NCOA1: variants seen among roughly 807,000 people sequenced by gnomAD.
The protein encoded by NCOA1 is Hin-2 protein.
Under a neutral mutation model 150.9 loss-of-function variants are expected in NCOA1, and 35 were observed. The observed-to-expected ratio is 0.23, with a 90% CI of 0.18 to 0.31. NCOA1 has a LOEUF of 0.31. NCOA1 is among the 10% of genes least tolerant of loss of function. NCOA1 has a pLI of 1.00. For synonymous variants in NCOA1, 590 were observed against 630.0 expected (o/e 0.94, Z 0.95); for missense variants, 1,491 against 1,749.3 (o/e 0.85, Z 2.63).
intron 14 of NCOA1, among the ~76,000 whole-genome samples, chr2:24,722,989 CAAAAAAA>C (rs5829932): frequency 5.6e-5 from 5 of 90,062 alleles, no homozygotes; most frequent in African/African-American, 2.4e-4. Flanking sequence ...ACCCTGTCTC[CAAAAAAA>C]AAAAAAAAAA....
intron 7 of NCOA1, among the ~76,000 whole-genome samples, chr2:24,679,211 T>C (rs1454986539): frequency 1.3e-5 from 2 of 152,238 alleles, no homozygotes; most frequent in Non-Finnish European, 2.9e-5. Flanking sequence ...GCATTTGTTG[T>C]CTTCTCTGTA....
chr2:24,737,938 T>C (rs1558327836), intron 17 of NCOA1, among the ~76,000 whole-genome samples: 1 of 152,238 alleles, frequency 6.6e-6, no homozygotes, highest in Non-Finnish European at 1.5e-5. Flanking sequence ...GTTCCTGGTC[T>C]TTCAAGTTTA....
intron 3 of NCOA1, among the ~76,000 whole-genome samples, chr2:24,607,561 G>A (rs1038496978): frequency 6.6e-6 from 1 of 151,938 alleles, no homozygotes; most frequent in Non-Finnish European, 1.5e-5. Context: ...GTAGTGGCGG[G>A]TGCCTGTAGT....
At chr2:24,584,173 G>T (rs1173713844) in intron 2 of NCOA1, among the ~76,000 whole-genome samples, 1 of 151,938 alleles carries the variant, frequency 6.6e-6, no homozygotes, top group African/African-American at 2.4e-5. Context: ...GTTACTAAAT[G>T]TCAATTTTTT....
chr2:24,525,791 G>A (rs772118663), intron 1 of NCOA1, among the ~76,000 whole-genome samples: 1 of 151,944 alleles, frequency 6.6e-6, no homozygotes, highest in Non-Finnish European at 1.5e-5. Flanking sequence ...CAAGTGATCT[G>A]CCCGCCACAG....
At chr2:24,697,848 AT>A in intron 11 of NCOA1, 50 bp downstream of exon 11, 2 of 1,535,630 alleles carry the variant, frequency 1.3e-6, no homozygotes, top group African/African-American at 2.7e-5. Flanking sequence ...CTTTACTGAT[AT>A]TTGAATAGTT....
intron 22 of NCOA1, among the ~76,000 whole-genome samples, chr2:24,763,869 G>A (rs1004918133): frequency 2.6e-5 from 4 of 151,846 alleles, no homozygotes; most frequent in Admixed American, 6.6e-5. Flanking sequence ...TGATCCACCC[G>A]CCTCGGCCTC....
chr2:24,612,909 C>T (rs866405719), intron 3 of NCOA1, among the ~76,000 whole-genome samples: 1 of 152,004 alleles, frequency 6.6e-6, no homozygotes, highest in Non-Finnish European at 1.5e-5. Flanking sequence ...GGTTAGGGGC[C>T]ATTGCTGGAG....
At chr2:24,691,757 T>C in intron 9 of NCOA1, 97 bp downstream of exon 9, 1 of 1,303,860 alleles carries the variant, frequency 7.7e-7, no homozygotes, top group South Asian at 1.5e-5. Context: ...AGATAGTATT[T>C]TTGGTTACTA....
intron 14 of NCOA1, chr2:24,711,613 T>C (rs1673752710): frequency 6.6e-6 from 1 of 152,274 alleles, no homozygotes; most frequent in South Asian, 2.1e-4. Flanking sequence ...TTCCCAAACT[T>C]TCCTGATTAT....
At chr2:24,650,126 C>T (rs1670648473) in intron 4 of NCOA1, among the ~76,000 whole-genome samples, 1 of 152,062 alleles carries the variant, frequency 6.6e-6, no homozygotes, top group African/African-American at 2.4e-5. Context: ...AGAACGTTGG[C>T]AGTGATTTAT....
Position 24,524,799 on chromosome 2 carries a change from G to A in NCOA1, c.-396+33197G>A, listed in dbSNP as rs542722126. ...ATTTTTTGGTAATTTTGATAGAGAC[G>A]GGGTTTCACCATGTTGGCCACGCTG... On this transcript the variant is annotated intron_variant, in intron 1 of 22. Transcript: ENST00000348332. Among the ~76,000 whole-genome samples the A allele has an allele frequency of 3.3e-5, 5 of 152,130 alleles. No homozygotes were observed. The East Asian group carries it at 5.8e-4, about 18-fold the overall frequency.
Position 24,770,507 on chromosome 2 carries a change from A to T in NCOA1, c.*2116A>T. On this transcript the variant is annotated 3_prime_UTR_variant, in exon 23 of 23. Coordinates refer to ENST00000348332, the MANE Select transcript of NCOA1 (RefSeq NM_003743.5). ...ATTATTGCTACATTTGAGGAAAATA[A>T]AATTGCTTGCTTCTATGTAATTCCT... 4.5e-6 allele frequency: 1 copy of T among 221,690 alleles called. No individual in the cohort carries two copies. 13.7% of individuals were successfully genotyped at this position (221,690 alleles called of 1,614,324 possible).
chr2:24,615,312 C>G (rs527669446), intron 3 of NCOA1, among the ~76,000 whole-genome samples: 2 of 152,158 alleles, frequency 1.3e-5, no homozygotes, highest in African/African-American at 2.4e-5. Context: ...CTGCTTGTTA[C>G]TAGTAGCTAT....
chr2:24,720,355 A>G lies in NCOA1; in HGVS notation c.2600-6234A>G, dbSNP rs564271645. Reference sequence around the variant, plus strand: ...GTTAACTTGATAAAAACTAGAGTTAATAGAAATAGTATCTGCTAGCTTTGC... The same window carrying G: ...GTTAACTTGATAAAAACTAGAGTTAGTAGAAATAGTATCTGCTAGCTTTGC... On this transcript the variant is annotated intron_variant, in intron 14 of 22. Transcript: ENST00000348332. Among the ~76,000 whole-genome samples, 6 of 152,350 alleles carry G rather than the reference A, an allele frequency of 3.9e-5. No homozygotes were observed. The South Asian group carries it at 1.2e-3, about 32-fold the overall frequency.
At chr2:24,529,669 C>T (rs17046379) in intron 1 of NCOA1, among the ~76,000 whole-genome samples, 7,871 of 152,252 alleles carry the variant, frequency 0.052, 288 homozygotes, top group East Asian at 0.2. Context: ...GTTTAACCTT[C>T]ACCTGAAAGT....
At chr2:24,767,833 A>C (rs1362345799) in intron 22 of NCOA1, 5 of 422,048 alleles carry the variant, frequency 1.2e-5, no homozygotes, top group African/African-American at 2.0e-5. Flanking sequence ...TATCCTACTG[A>C]AATCATCCAT....
chr2:24,620,429 C>T (rs556879660), intron 3 of NCOA1, among the ~76,000 whole-genome samples: 17 of 152,102 alleles, frequency 1.1e-4, no homozygotes, highest in Non-Finnish European at 2.5e-4. Context: ...CATAGAGAAA[C>T]CCCGTCTCTA....
intron 10 of NCOA1, among the ~76,000 whole-genome samples, chr2:24,694,824 A>T (rs1000203562): frequency 1.8e-4 from 27 of 152,006 alleles, no homozygotes; most frequent in African/African-American, 3.4e-4. Context: ...AAATTTTTTT[A>T]AAATTTTTTT....
Sources: allele counts gnomAD v4.1 joint callset (sites outside exome capture counted in the v4.1 genomes callset), GRCh38; gene constraint gnomAD v4.1.1; transcripts MANE v1.5; gene names NCBI Gene and HGNC (gene_info 2026-07-23, HGNC 2026-07-21).